Variants in CYP4X1 observed in about 807,000 individuals in gnomAD.
CYP4X1 encodes the protein cytochrome P450 family 4 subfamily X member 1, also known as cytochrome P450 4X1.
In CYP4X1, 44 loss-of-function variants were observed where a neutral mutation model predicts 57.9. That is an observed-to-expected ratio of 0.76 (90% confidence interval 0.60 to 0.98). The LOEUF is 0.98. Among genes scored for constraint, CYP4X1 ranks in the 50% least tolerant of loss-of-function variants. The pLI is 0.00. For synonymous variants in CYP4X1, 227 were observed against 228.6 expected, an observed-to-expected ratio of 0.99 and a Z score of 0.06; for missense variants, 532 against 623.9, an observed-to-expected ratio of 0.85 and a Z score of 1.57.
intron 2 of CYP4X1, among the ~76,000 whole-genome samples, 173 bp from the exon 3 acceptor site, chr1:47,031,263 G>C (rs900611701): frequency 7.9e-5 from 12 of 152,242 alleles, no homozygotes; most frequent in Non-Finnish European, 1.8e-4. Context: ...ACTGAGCCAA[G>C]ACTAACACAA....
chr1:47,055,378 C>A (rs1434866862), downstream of CYP4X1, among the ~76,000 whole-genome samples: 1 of 152,020 alleles, frequency 6.6e-6, no homozygotes, highest in African/African-American at 2.4e-5. Context: ...GTTTAAAATT[C>A]TCTTTTTTTG....
chr1:46,984,070 C>T, the CYP4X1 span, among the ~76,000 whole-genome samples: 1 of 151,520 alleles, frequency 6.6e-6, no homozygotes, highest in Non-Finnish European at 1.5e-5. Flanking sequence ...AGCAGCTCTG[C>T]CGAGCAGCTC....
At chr1:47,034,309 G>C (rs1241864924) in intron 4 of CYP4X1, among the ~76,000 whole-genome samples, 2 of 152,032 alleles carry the variant, frequency 1.3e-5, no homozygotes, top group African/African-American at 4.8e-5. Context: ...AGGATCATTA[G>C]GCCCTGACCT....
chr1:46,973,785 T>C, the CYP4X1 span, among the ~76,000 whole-genome samples: 567 of 152,270 alleles, frequency 3.7e-3, 2 homozygotes, highest in Non-Finnish European at 6.1e-3. Context: ...CTGTCATTTC[T>C]GATTGTGTTT....
the CYP4X1 span, among the ~76,000 whole-genome samples, chr1:46,964,461 C>G: frequency 6.6e-6 from 1 of 152,184 alleles, no homozygotes; most frequent in Admixed American, 6.5e-5. Flanking sequence ...TTCTAACAGT[C>G]AGGACCCTCA....
At chr1:46,978,616 C>A in the CYP4X1 span, among the ~76,000 whole-genome samples, 5 of 152,046 alleles carry the variant, frequency 3.3e-5, no homozygotes, top group Non-Finnish European at 5.9e-5. Flanking sequence ...AGCTCTGCAC[C>A]ACGCAGACCT....
chr1:47,046,714 A>T, intron 9 of CYP4X1, 114 bp downstream of exon 9: 1 of 1,474,432 alleles, frequency 6.8e-7, no homozygotes, highest in Non-Finnish European at 9.2e-7. Context: ...TAATGCTAAC[A>T]TGTGACTTAG....
the CYP4X1 span, among the ~76,000 whole-genome samples, chr1:46,962,783 T>G: frequency 6.6e-6 from 1 of 152,198 alleles, no homozygotes; most frequent in Non-Finnish European, 1.5e-5. Flanking sequence ...GGTGCAGAGA[T>G]GAATTCAATT....
the CYP4X1 span, among the ~76,000 whole-genome samples, chr1:46,965,345 C>A: frequency 1.4e-4 from 21 of 152,242 alleles, no homozygotes; most frequent in African/African-American, 4.1e-4. Flanking sequence ...CTGCATTGCT[C>A]ACGCTGGGAG....
At chr1:46,998,967 A>G in the CYP4X1 span, among the ~76,000 whole-genome samples, 3 of 150,828 alleles carry the variant, frequency 2.0e-5, no homozygotes, top group East Asian at 5.8e-4. Context: ...TGATTTGGTT[A>G]CTATAGCCTT....
At chr1:46,968,410 G>A in the CYP4X1 span, among the ~76,000 whole-genome samples, 1 of 152,134 alleles carries the variant, frequency 6.6e-6, no homozygotes, top group Non-Finnish European at 1.5e-5. Flanking sequence ...TAATGCCCCA[G>A]CTGTCAGCCA....
At chr1:47,053,371 T>C (rs1392348837), downstream of CYP4X1, among the ~76,000 whole-genome samples, 1 of 152,220 alleles carries the variant, frequency 6.6e-6, no homozygotes, top group Admixed American at 6.5e-5. Flanking sequence ...AGTGCCATAA[T>C]AAACATACGT....
chr1:47,036,081 A>C lies in CYP4X1; in HGVS notation c.685A>C (p.Ser229Arg). 6.2e-7 allele frequency: 1 copy of C among 1,613,818 alleles called. No individual in the cohort carries two copies. Among genetic ancestry groups the C allele is most frequent in the Non-Finnish European group, 8.5e-7 (1 of 1,179,824 alleles). The part of the protein sequence containing the change: ...LSKIIFHRLY[S>R]LLYHSDIIFK... ...CAAAATCATATTTCACCGCTTGTACAGTTTGTTGTATCACAGTGACATAAT... is the reference window on the plus strand; with the variant it reads ...CAAAATCATATTTCACCGCTTGTACCGTTTGTTGTATCACAGTGACATAAT... Residue 229 changes from serine to arginine, a missense_variant, in exon 6 of 12, where the codon AGT (serine) becomes CGT (arginine). Physicochemically the swap from Ser to Arg is moderately radical, Grantham distance 110. Transcript: ENST00000371901.
At chr1:46,978,229 C>A in the CYP4X1 span, among the ~76,000 whole-genome samples, 1 of 152,046 alleles carries the variant, frequency 6.6e-6, no homozygotes, top group East Asian at 1.9e-4. Context: ...TTGAGGAGAC[C>A]CATCTCATGT....
chr1:47,009,946 C>G, the CYP4X1 span, among the ~76,000 whole-genome samples: 2 of 152,070 alleles, frequency 1.3e-5, no homozygotes, highest in African/African-American at 4.8e-5. Flanking sequence ...AAAAGTCCAG[C>G]ACCAGATGGA....
chr1:47,054,732 G>T (rs1055511710), downstream of CYP4X1, among the ~76,000 whole-genome samples: 24 of 152,222 alleles, frequency 1.6e-4, no homozygotes, highest in African/African-American at 5.8e-4. Flanking sequence ...TCTGTTATTG[G>T]TGTATAAGAA....
At chr1:47,011,783 A>G in the CYP4X1 span, among the ~76,000 whole-genome samples, 1 of 152,262 alleles carries the variant, frequency 6.6e-6, no homozygotes, top group Admixed American at 6.5e-5. Context: ...GAAGACATTT[A>G]TGCAGCCAAA....
the CYP4X1 span, among the ~76,000 whole-genome samples, chr1:46,975,330 C>T: frequency 2.0e-5 from 3 of 152,106 alleles, no homozygotes; most frequent in Non-Finnish European, 2.9e-5. Context: ...GTTTAGCACC[C>T]CCCTGGGACC....
At chr1:47,034,203 G>T (rs1644154763) in intron 4 of CYP4X1, among the ~76,000 whole-genome samples, 2 of 152,172 alleles carry the variant, frequency 1.3e-5, no homozygotes, top group Non-Finnish European at 2.9e-5. Context: ...AAGGTTTGGA[G>T]ATTGGCATGG....
Sources: gnomAD v4.1 joint callset for allele counts (sites outside exome capture counted in the v4.1 genomes callset) on GRCh38, gnomAD v4.1.1 for gene constraint, MANE v1.5 for transcripts, NCBI Gene and HGNC (gene_info 2026-07-23, HGNC 2026-07-21) for gene names.